Variants in AMPD2 observed in about 807,000 individuals in gnomAD.
The protein encoded by AMPD2 is AMP deaminase 2.
Under a neutral mutation model 91.3 loss-of-function variants are expected in AMPD2, and 52 were observed. The ratio of observed to expected loss-of-function variants is 0.57; its 90% CI spans 0.46 to 0.72. AMPD2 has a LOEUF of 0.72. AMPD2 is among the 30% of genes least tolerant of loss of function. The pLI, the probability that AMPD2 is intolerant of heterozygous loss-of-function variation, is 0.00. For missense variants in AMPD2, 822 were observed against 1,122.3 expected, an observed-to-expected ratio of 0.73 and a Z score of 3.82; for synonymous variants, 455 against 456.4, an observed-to-expected ratio of 1.00 and a Z score of 0.04.
Position 109,631,193 on chromosome 1 carries a change from C to T in AMPD2, c.*41C>T, listed in dbSNP as rs565391397. ...TGCCCACCACATCGCAGCACTTTTACCACGTTTTGTCCTCAGACCCCGCCC... is the reference window on the plus strand; with the variant it reads ...TGCCCACCACATCGCAGCACTTTTATCACGTTTTGTCCTCAGACCCCGCCC... On this transcript the variant is annotated 3_prime_UTR_variant, in exon 19 of 19. Coordinates refer to ENST00000528667, the MANE Select transcript of AMPD2 (RefSeq NM_001368809.2). 2 of 1,538,300 alleles carry T rather than the reference C, an allele frequency of 1.3e-6. No homozygotes were observed. Among genetic ancestry groups the T allele is most frequent in the East Asian group, 2.4e-5 (1 of 40,978 alleles).
Position 109,620,986 on chromosome 1 carries a change from C to T in AMPD2, c.-190C>T. 6.4e-7 allele frequency: 1 copy of T among 1,553,464 alleles called. No homozygotes were observed. Among genetic ancestry groups the T allele is most frequent in the Middle Eastern group, 2.3e-4 (1 of 4,320 alleles). On this transcript the variant is annotated 5_prime_UTR_variant, in exon 2 of 19. Transcript: ENST00000528667. ...GAGGGATAAGGGGCAGAGATGGAGG[C>T]CCCACTCCCCGAGGTTGCCTAGACA...
Position 109,629,495 on chromosome 1 carries a change from C to G in AMPD2, c.1862+5C>G. The G allele has an allele frequency of 6.2e-7, 1 of 1,612,516 alleles. No individual in the cohort carries two copies. Among genetic ancestry groups the G allele is most frequent in the Non-Finnish European group, 8.5e-7 (1 of 1,179,236 alleles). Reference sequence around the variant, plus strand: ...CATGTTGAACCACCTGCGCAGGTGCCTGCACCACCCTGTGTCTGCTTGCTA... The same window carrying G: ...CATGTTGAACCACCTGCGCAGGTGCGTGCACCACCCTGTGTCTGCTTGCTA... On this transcript the variant is annotated splice_donor_5th_base_variant and intron_variant, in intron 15 of 18. Coordinates refer to ENST00000528667, the MANE Select transcript of AMPD2 (RefSeq NM_001368809.2).
Position 109,629,344 on chromosome 1 carries a change from C to T in AMPD2, c.1716C>T (p.Ser572=), listed in dbSNP as rs116415979. 1,223 of 1,614,112 alleles carry T rather than the reference C, an allele frequency of 7.6e-4. 10 individuals carry two copies. The African/African-American group carries it at 0.01, about 14-fold the overall frequency. ...LFLEHVDGFD[S]VDDESKPENH... ...TGTATTAGGTGGATGGTTTTGACAG[C>T]GTGGATGATGAGTCCAAGCCTGAAA... Residue 572 remains serine, a synonymous_variant, in exon 15 of 19, where the codon AGC becomes AGT. Transcript: ENST00000528667.
In AMPD2 at chr1:109,620,248, T is replaced by G; in HGVS notation, c.-293T>G. On this transcript the variant is annotated 5_prime_UTR_variant, in exon 1 of 19. Transcript: ENST00000528667. ...CTGTACAGACTTCTCGTGGGCAGCC[T>G]CCCCTCGGAACTCGGGCATCATGGC... The G allele has an allele frequency of 6.2e-7, 1 of 1,613,996 alleles. No homozygotes were observed. Among genetic ancestry groups the G allele is most frequent in the Non-Finnish European group, 8.5e-7 (1 of 1,179,936 alleles).
rs1267956435 is a variant in AMPD2, at chr1:109,628,855, G to T, written c.1571+49G>T. ...GGAACCTGCGGGGTCATATTCAAGGGGTCAGGGCCTGCCTCCTGCCCTCCT... is the reference window on the plus strand; with the variant it reads ...GGAACCTGCGGGGTCATATTCAAGGTGTCAGGGCCTGCCTCCTGCCCTCCT... On this transcript the variant is annotated intron_variant, in intron 13 of 18. Coordinates refer to ENST00000528667, the MANE Select transcript of AMPD2 (RefSeq NM_001368809.2). The surrounding 1 kb of genome is among the most constrained non-coding windows in gnomAD (Gnocchi z 7.1). 1.3e-6 allele frequency: 2 copies of T among 1,529,652 alleles called. No individual in the cohort carries two copies. 94.8% of individuals were successfully genotyped at this position (1,529,652 alleles called of 1,614,324 possible). A position where few individuals can be genotyped will look rare whatever the true frequency, so the allele number is the denominator to read the frequency against.
Position 109,626,423 on chromosome 1 carries a change from G to T in AMPD2, c.527G>T (p.Cys176Phe). ...GTCACCATCTCTGGGGAGGAGAAGT[G>T]TGGGGTAAGTATGGGGTGTATGTTG... ...QRVTISGEEK[C>F]GVPFTDLLDA... Residue 176 changes from cysteine to phenylalanine, a missense_variant, in exon 6 of 19, where the codon TGT becomes TTT. Cys to Phe is a radical substitution (Grantham distance 205, BLOSUM62 -2). This residue lies in a region of AMPD2 where 240 missense variants were observed against 270.3 expected (regional missense o/e 0.89). Coordinates refer to ENST00000528667, the MANE Select transcript of AMPD2 (RefSeq NM_001368809.2). 1.2e-6 allele frequency: 2 copies of T among 1,608,234 alleles called. No homozygotes were observed. The highest frequency in any genetic ancestry group is 2.2e-5 in the South Asian group (2 of 90,484).
chr1:109,629,788 T>TC lies in AMPD2; in HGVS notation c.1863-3dup, dbSNP rs745356002. ...CTCAGGAGCTGACACTGTCTTCATG[T>TC]CCCCCAGGCAGAGGGGCTTCCACAC... On this transcript the variant is annotated splice_polypyrimidine_tract_variant and splice_region_variant and intron_variant, in intron 15 of 18. Coordinates refer to ENST00000528667, the MANE Select transcript of AMPD2 (RefSeq NM_001368809.2). 3.2e-6 allele frequency: 5 copies of TC among 1,579,322 alleles called. No homozygotes were observed. The African/African-American group carries it at 6.8e-5, about 21-fold the overall frequency.
At chr1:109,626,029 C>A in intron 4 of AMPD2, 131 bp from the exon 5 acceptor site, 1 of 1,167,820 alleles carries the variant, frequency 8.6e-7, no homozygotes, top group African/African-American at 1.5e-5. Flanking sequence ...GAGAACAGCA[C>A]AGGGTTCTGC....
At position 109,624,737 on chromosome 1, in the gene AMPD2, C is replaced by G. The variant is rs1650505982; in HGVS notation, c.92-566C>G. On this transcript the variant is annotated intron_variant, in intron 2 of 18. Coordinates refer to ENST00000528667, the MANE Select transcript of AMPD2 (RefSeq NM_001368809.2). This position sits in a 1 kb window ranked among gnomAD's most constrained non-coding sequence, Gnocchi z 5.2. ...GGCTCGTCCCTAGGTCAGAGCTGAG[C>G]AGCAGCTGCGGCTTCTCTTGTGCTG... 6.6e-6 allele frequency among the ~76,000 whole-genome samples: 1 copy of G among 152,220 alleles called. No individual in the cohort carries two copies. The highest frequency in any genetic ancestry group is 1.5e-5 in the Non-Finnish European group (1 of 68,026).
Position 109,621,130 on chromosome 1 carries a change from C to G in AMPD2, c.-46C>G, listed in dbSNP as rs1650210949. The G allele has an allele frequency of 1.3e-6, 2 of 1,598,684 alleles. No homozygotes were observed. The highest frequency in any genetic ancestry group is 2.3e-5 in the East Asian group (1 of 43,892). On this transcript the variant is annotated 5_prime_UTR_variant, in exon 2 of 19. Coordinates refer to ENST00000528667, the MANE Select transcript of AMPD2 (RefSeq NM_001368809.2). ...TGGATGTGGCAGAGCCAGGCCCCAG[C>G]CGGTGCCGCTCAGACTCCCCCGCTG...
chr1:109,629,712 A>G, intron 15 of AMPD2, 84 bp from the exon 16 acceptor site: 1 of 1,462,830 alleles, frequency 6.8e-7, no homozygotes, highest in African/African-American at 2.0e-5. Context: ...TGGAGGACAT[A>G]TGCGTGCTGG....
rs1413643190 is a variant in AMPD2 at position 109,625,528 on chromosome 1, G to A, written c.222+95G>A. 10 of 1,598,384 alleles carry A rather than the reference G, an allele frequency of 6.3e-6. No individual in the cohort carries two copies. The highest frequency in any genetic ancestry group is 1.7e-4 in the Middle Eastern group (1 of 6,016). Reference sequence around the variant, plus strand: ...ACCTCAAGCTGTCCCCTCACCTCACGCTTGGCTGTCTCCTGATCCTCAGCC... The same window carrying A: ...ACCTCAAGCTGTCCCCTCACCTCACACTTGGCTGTCTCCTGATCCTCAGCC... On this transcript the variant is annotated intron_variant, in intron 3 of 18. Coordinates refer to ENST00000528667, the MANE Select transcript of AMPD2 (RefSeq NM_001368809.2). This position sits in a 1 kb window ranked among gnomAD's most constrained non-coding sequence, Gnocchi z 4.0.
At chr1:109,629,537 AC>A in intron 15 of AMPD2, 47 bp downstream of exon 15, 1 of 1,600,486 alleles carries the variant, frequency 6.2e-7, no homozygotes, top group Non-Finnish European at 8.5e-7. Flanking sequence ...CTCTCGCCCA[AC>A]AAACCTCACT....
At chr1:109,620,772 GGACCAGCTAGC>G in intron 1 of AMPD2, 131 bp from the exon 2 acceptor site, 14 of 1,288,646 alleles carry the variant, frequency 1.1e-5, no homozygotes, top group Non-Finnish European at 1.4e-5. Flanking sequence ...CTAGCTGGAA[GGACCAGCTAGC>G]CTGGACTTTG....
rs755086674 is a variant in AMPD2 at position 109,625,692 on chromosome 1, G to A, written c.253G>A (p.Glu85Lys). Residue 85 changes from glutamate to lysine, a missense_variant, in exon 4 of 19, where the codon GAG becomes AAG. By Grantham distance (56) the Glu-to-Lys change is moderately conservative. Transcript: ENST00000528667. The surrounding 1 kb of genome is among the most constrained non-coding windows in gnomAD (Gnocchi z 4.0). ...ELFTRSLAES[E>K]LRSAPYEFPE... ...GTTCACCCGCTCACTGGCTGAGAGC[G>A]AGCTCCGTAGTGCCCCGTATGAGTT... is the stretch of plus-strand genomic sequence containing the variant. 5.0e-6 allele frequency: 8 copies of A among 1,613,994 alleles called. No individual in the cohort carries two copies. The highest frequency in any genetic ancestry group is 3.3e-5 in the South Asian group (3 of 91,082).
chr1:109,627,718 TC>T, intron 9 of AMPD2, 55 bp from the exon 10 acceptor site: 1 of 1,602,208 alleles, frequency 6.2e-7, no homozygotes. Context: ...ACCCAAGCCC[TC>T]CCCAGGTGCC....
At chr1:109,630,576 G>T (rs1355609643) in intron 17 of AMPD2, 107 bp from the exon 18 acceptor site, 2 of 961,712 alleles carry the variant, frequency 2.1e-6, no homozygotes, top group African/African-American at 3.3e-5. Flanking sequence ...TTGGGGGGTT[G>T]GGGGGATGGG....
rs778310718 is a variant in AMPD2, at chr1:109,625,339, C to T, written c.128C>T (p.Ser43Phe). 6.2e-7 allele frequency: 1 copy of T among 1,613,466 alleles called. No homozygotes were observed. The change falls in exon 3 of 19, where the codon TCT (serine) becomes TTT (phenylalanine). Residue 43 changes from serine (S) to phenylalanine (F), a missense_variant. Physicochemically the swap from Ser to Phe is radical, Grantham distance 155. This residue lies in a region of AMPD2 where 105 missense variants were observed against 125.0 expected (regional missense o/e 0.84). Coordinates refer to ENST00000528667, the MANE Select transcript of AMPD2 (RefSeq NM_001368809.2). The surrounding 1 kb of genome is among the most constrained non-coding windows in gnomAD (Gnocchi z 4.0). ...GGTCTGGGGGCCCCTCCGCTGCAGT[C>T]TGCCCGATCCCTGCCGGGCCCCGCC... ...RGGLGAPPLQSARSLPGPAPC... is the reference protein window; with the variant it reads ...RGGLGAPPLQFARSLPGPAPC...
chr1:109,625,757 G>A lies in AMPD2; in HGVS notation c.318G>A (p.Arg106=), dbSNP rs763818467. Residue 106 remains arginine (R), a synonymous_variant, in exon 4 of 19, where the codon CGG becomes CGA. Coordinates refer to ENST00000528667, the MANE Select transcript of AMPD2 (RefSeq NM_001368809.2). The surrounding 1 kb of genome is among the most constrained non-coding windows in gnomAD (Gnocchi z 4.0). ...CCATTGAACAGCTGGAGGAGCGGCG[G>A]CAGCGGCTGGAGCGGCAGATCAGCC... ...ESPIEQLEER[R]QRLERQISQD... The A allele has an allele frequency of 6.2e-7, 1 of 1,614,038 alleles. No individual in the cohort carries two copies. Among genetic ancestry groups the A allele is most frequent in the African/African-American group, 1.3e-5 (1 of 75,052 alleles).
Sources: gnomAD v4.1 joint callset for allele counts (sites outside exome capture counted in the v4.1 genomes callset) on GRCh38, gnomAD v4.1.1 for gene constraint, gnomAD v4.1.1 regional missense constraint, Gnocchi (gnomAD v3.1) non-coding constraint, MANE v1.5 for transcripts, NCBI Gene and HGNC (gene_info 2026-07-23, HGNC 2026-07-21) for gene names.